The following GPC1 variants were observed in gnomAD, a reference collection of about 807,000 sequenced individuals.
The protein encoded by GPC1 is glypican-1.
GPC1 carries 26 observed loss-of-function variants against 51.5 expected under a neutral mutation model. The observed-to-expected ratio is 0.50, with a 90% CI of 0.37 to 0.70. The LOEUF is 0.70. Ranked by LOEUF, GPC1 falls within the 30% of genes least tolerant of loss-of-function variation. The pLI is 0.00. For missense variants in GPC1, 775 were observed against 800.5 expected (o/e 0.97, Z 0.38); for synonymous variants, 380 against 348.3 (o/e 1.09, Z -1.01).
intron 1 of GPC1, among the ~76,000 whole-genome samples, chr2:240,443,955 C>G (rs1022435423): frequency 1.1e-4 from 16 of 152,252 alleles, no homozygotes; most frequent in Non-Finnish European, 2.1e-4. Flanking sequence ...GTGACTCACT[C>G]CTGCTCTGGG....
chr2:240,466,276 C>T lies in GPC1; in HGVS notation c.1663C>T (p.Pro555Ser), dbSNP rs201886628. Residue 555 changes from proline (P) to serine (S), a missense_variant, in exon 9 of 9, where the codon CCC becomes TCC. Physicochemically the swap from Pro to Ser is moderately conservative, Grantham distance 74 (BLOSUM62 -1). Transcript: ENST00000264039. ...CTTCCTGGCCCTTACAGTAGCCAGG[C>T]CCCGGTGGCGGTAACTGCCCCAAGG... ...LLFLALTVAR[P>S]RWR 6.3e-7 allele frequency: 1 copy of T among 1,593,210 alleles called. No homozygotes were observed.
Position 240,436,093 on chromosome 2 carries a change from G to T in GPC1, c.166+9G>T, listed in dbSNP as rs1184223129. Reference sequence around the variant, plus strand: ...CCAGGCGGAGATCTCGGGTGAGTGAGGGCGCGGCGCCGGGAACCCGGGCCT... The same window carrying T: ...CCAGGCGGAGATCTCGGGTGAGTGATGGCGCGGCGCCGGGAACCCGGGCCT... On this transcript the variant is annotated intron_variant, in intron 1 of 8. Coordinates refer to ENST00000264039, the MANE Select transcript of GPC1 (RefSeq NM_002081.3). The T allele has an allele frequency of 7.8e-7, 1 of 1,281,472 alleles. No individual in the cohort carries two copies. Among genetic ancestry groups the T allele is most frequent in the African/African-American group, 1.5e-5 (1 of 65,728 alleles). The allele number at this position is 1,281,472 out of a possible 1,614,324, so 79.4% of individuals were successfully genotyped here.
At chr2:240,463,639 GGGC>G in intron 4 of GPC1, 127 bp downstream of exon 4, 1 of 762,238 alleles carries the variant, frequency 1.3e-6, no homozygotes, top group South Asian at 1.8e-5. Context: ...GCCCTGACCC[GGGC>G]CAGATCTGGG....
rs2074016333 is a variant in GPC1, at chr2:240,441,448, C to G, written c.166+5364C>G. On this transcript the variant is annotated intron_variant, in intron 1 of 8. Coordinates refer to ENST00000264039, the MANE Select transcript of GPC1 (RefSeq NM_002081.3). ...CAGACCGTCCTCACAGGGCCTGGCTCAGTTATTTCAGATCAAGACTGGACC... is the reference window on the plus strand; with the variant it reads ...CAGACCGTCCTCACAGGGCCTGGCTGAGTTATTTCAGATCAAGACTGGACC... 3.3e-5 allele frequency among the ~76,000 whole-genome samples: 5 copies of G among 152,366 alleles called. No homozygotes were observed. In the South Asian group the frequency reaches 6.2e-4, roughly 19 times the overall value.
rs371366522 is a variant in GPC1 at position 240,462,454 on chromosome 2, G to A, written c.589G>A (p.Glu197Lys). 5.0e-6 allele frequency: 8 copies of A among 1,605,646 alleles called. No homozygotes were observed. Among genetic ancestry groups the A allele is most frequent in the Non-Finnish European group, 5.9e-6 (7 of 1,177,230 alleles). The change falls in exon 3 of 9, where the codon GAG (glutamate) becomes AAG (lysine). Residue 197 changes from glutamate to lysine, a missense_variant. Transcript: ENST00000264039. Reference protein sequence around the residue: ...DYLDCLGKQAEALRPFGEAPR... With the variant: ...DYLDCLGKQAKALRPFGEAPR... ...CCTGGACTGCCTGGGCAAGCAGGCC[G>A]AGGCGCTGCGGCCCTTCGGGGAGGC... is the stretch of plus-strand genomic sequence containing the variant.
rs186220528 is a variant in GPC1 at position 240,447,302 on chromosome 2, C to T, written c.166+11218C>T. Among the ~76,000 whole-genome samples the T allele has an allele frequency of 2.8e-4, 42 of 152,260 alleles. 2 individuals carry two copies. The South Asian group carries it at 6.2e-3, about 23-fold the overall frequency. ...CCGACACAGAGGCTGTTCTGGGTAC[C>T]GGGACACAGCAAAGTCCCTGTACTC... On this transcript the variant is annotated intron_variant, in intron 1 of 8. Transcript: ENST00000264039.
chr2:240,464,780 G>C (rs1234362364), intron 5 of GPC1, 34 bp downstream of exon 5: 1 of 1,585,382 alleles, frequency 6.3e-7, no homozygotes, highest in Non-Finnish European at 8.6e-7. Flanking sequence ...GCACAGCGGG[G>C]TGGGGGTCCT....
At chr2:240,442,040 C>G (rs994111254) in intron 1 of GPC1, among the ~76,000 whole-genome samples, 1 of 152,162 alleles carries the variant, frequency 6.6e-6, no homozygotes, top group Non-Finnish European at 1.5e-5. Flanking sequence ...CAGCCTCACA[C>G]CATCCCCTCT....
chr2:240,456,079 G>C, intron 1 of GPC1: 1 of 358,410 alleles, frequency 2.8e-6, no homozygotes, highest in Non-Finnish European at 5.6e-6. Context: ...GGCTGTGCTG[G>C]GGCAGCTGGA....
At chr2:240,455,949 GA>G in intron 1 of GPC1, 1 of 399,008 alleles carries the variant, frequency 2.5e-6, no homozygotes, top group South Asian at 1.8e-5. Flanking sequence ...CAGCCTGCCC[GA>G]GGCTCCCAGG....
At chr2:240,452,881 A>G (rs2074113849) in intron 1 of GPC1, 1 of 234,240 alleles carries the variant, frequency 4.3e-6, no homozygotes. Context: ...GGCGGACCGC[A>G]GCCCGCCCTC....
At chr2:240,454,486 G>A (rs1485465365) in intron 1 of GPC1, among the ~76,000 whole-genome samples, 1 of 152,220 alleles carries the variant, frequency 6.6e-6, no homozygotes, top group Non-Finnish European at 1.5e-5. Flanking sequence ...AGCCTTCGCA[G>A]CCATCGGCCA....
intron 2 of GPC1, among the ~76,000 whole-genome samples, chr2:240,460,344 C>T (rs940688207): frequency 4.6e-5 from 7 of 152,160 alleles, no homozygotes; most frequent in African/African-American, 1.7e-4. Flanking sequence ...GCCCCTGCAC[C>T]CTGAGTCAGG....
At chr2:240,439,476 C>G (rs1409867103) in intron 1 of GPC1, among the ~76,000 whole-genome samples, 2 of 152,196 alleles carry the variant, frequency 1.3e-5, no homozygotes, top group African/African-American at 4.8e-5. Context: ...AGTGGCAGCC[C>G]GCCTACCAGC....
chr2:240,449,739 G>A (rs530195769), intron 1 of GPC1: 122 of 431,380 alleles, frequency 2.8e-4, no homozygotes, highest in African/African-American at 2.0e-3. Flanking sequence ...CCTGGTGCCC[G>A]CCATCCTTTC....
intron 2 of GPC1, among the ~76,000 whole-genome samples, chr2:240,461,825 AC>A (rs551076269): frequency 3.3e-5 from 5 of 151,890 alleles, no homozygotes; most frequent in African/African-American, 1.2e-4. Context: ...TGCCCCTCTT[AC>A]CCCAGTGAGT....
intron 1 of GPC1, chr2:240,449,819 T>C (rs903239329): frequency 4.3e-6 from 2 of 469,350 alleles, no homozygotes; most frequent in Non-Finnish European, 8.8e-6. Context: ...TCCTTTCGTG[T>C]CTGGCTTCTT....
chr2:240,465,506 C>T lies in GPC1; in HGVS notation c.1302C>T (p.Ala434=), dbSNP rs770943398. ...CCGAGGTCATGGGTGACGGCCTGGC[C>T]AACCAGATCAACAACCCCGAGGTGG... ...YLPEVMGDGL[A]NQINNPEVEV... The change falls in exon 8 of 9, where the codon GCC becomes GCT. Residue 434 remains alanine, a synonymous_variant. Transcript: ENST00000264039. 1.9e-6 allele frequency: 3 copies of T among 1,613,158 alleles called. No individual in the cohort carries two copies. The highest frequency in any genetic ancestry group is 4.5e-5 in the East Asian group (2 of 44,888).
At chr2:240,463,586 G>A (rs2074235660) in intron 4 of GPC1, 74 bp downstream of exon 4, 2 of 1,347,778 alleles carry the variant, frequency 1.5e-6, no homozygotes, top group Non-Finnish European at 1.0e-6. Context: ...GGGGGCGGGT[G>A]GTCCCTAGCT....
Sources: gnomAD v4.1 joint callset for allele counts (sites outside exome capture counted in the v4.1 genomes callset) on GRCh38, gnomAD v4.1.1 for gene constraint, MANE v1.5 for transcripts, NCBI Gene and HGNC (gene_info 2026-07-23, HGNC 2026-07-21) for gene names.